Variants in SCUBE1 observed in about 807,000 individuals in gnomAD.
SCUBE1 encodes the protein signal peptide, CUB domain and EGF like domain containing 1.
Under a neutral mutation model 124.4 loss-of-function variants are expected in SCUBE1, and 59 were observed. The ratio of observed to expected loss-of-function variants is 0.47; its 90% CI spans 0.38 to 0.59. The LOEUF (loss-of-function observed/expected upper bound fraction) is 0.59, where lower values mean the gene tolerates loss of function less well. SCUBE1 is among the 20% of genes least tolerant of loss of function. The probability of loss-of-function intolerance (pLI) is 0.00; values close to 1 mark genes in which losing one functional copy is unlikely to be tolerated. For synonymous variants in SCUBE1, 545 were observed against 550.9 expected, an observed-to-expected ratio of 0.99 and a Z score of 0.15; for missense variants, 1,150 against 1,371.2, an observed-to-expected ratio of 0.84 and a Z score of 2.55.
chr22:43,334,987 G>A (rs1250193355), intron 2 of SCUBE1, among the ~76,000 whole-genome samples: 1 of 152,166 alleles, frequency 6.6e-6, no homozygotes, highest in East Asian at 1.9e-4. Flanking sequence ...CTTAATAGAG[G>A]CTGTTAACAC....
chr22:43,224,551 C>A (rs1163807367), intron 10 of SCUBE1, among the ~76,000 whole-genome samples: 1 of 152,156 alleles, frequency 6.6e-6, no homozygotes, highest in African/African-American at 2.4e-5. Context: ...CAAGCTGGCC[C>A]CCAGGATCAA....
At chr22:43,332,719 G>T (rs1926942635) in intron 2 of SCUBE1, among the ~76,000 whole-genome samples, 1 of 152,202 alleles carries the variant, frequency 6.6e-6, no homozygotes, top group South Asian at 2.1e-4. Context: ...TTCCTCATCT[G>T]TAGAACGCTC....
intron 3 of SCUBE1, among the ~76,000 whole-genome samples, chr22:43,296,178 G>A (rs900272353): frequency 2.0e-5 from 3 of 152,322 alleles, no homozygotes; most frequent in Admixed American, 6.5e-5. Context: ...CCCACACAGC[G>A]CTCAAAAACC....
rs1382901312 is a variant in SCUBE1, at chr22:43,258,278, C to A, written c.668G>T (p.Gly223Val). ...CTTCTGGTGGCAACCACACGTGGGG[C>A]CTGTGTCTGTGTCCTCACAGCTGTG... ...CQHSCEDTDT[G>V]PTCGCHQKYA... The change falls in exon 6 of 22, where the codon GGC becomes GTC. Residue 223 changes from glycine (G) to valine (V), a missense_variant. Gly to Val is a moderately radical substitution (Grantham distance 109). Transcript: ENST00000360835. This position sits in a 1 kb window ranked among gnomAD's most constrained non-coding sequence, Gnocchi z 5.0. 6.2e-7 allele frequency: 1 copy of A among 1,614,118 alleles called. No homozygotes were observed. Among genetic ancestry groups the A allele is most frequent in the South Asian group, 1.1e-5 (1 of 91,076 alleles).
intron 4 of SCUBE1, 147 bp from the exon 5 acceptor site, chr22:43,262,992 C>T (rs1361994992): frequency 1.6e-5 from 13 of 812,986 alleles, no homozygotes; most frequent in Admixed American, 9.8e-5. Context: ...CACTTGCGCA[C>T]ACACACATAT....
chr22:43,241,437 A>G (rs781111889), intron 6 of SCUBE1, among the ~76,000 whole-genome samples: 10 of 151,972 alleles, frequency 6.6e-5, no homozygotes, highest in Admixed American at 3.3e-4. Context: ...TGCAGCCTCA[A>G]TGGCAGAGCT....
chr22:43,294,406 C>T lies in SCUBE1; in HGVS notation c.350-3226G>A, dbSNP rs533673386. On this transcript the variant is annotated intron_variant, in intron 3 of 21. Coordinates refer to ENST00000360835, the MANE Select transcript of SCUBE1 (RefSeq NM_173050.5). ...GGTCTGTGAGATGCCGCCCATGAGC[C>T]CAGGACAGACTGGGCTCACTTGGAG... Among the ~76,000 whole-genome samples, 25 of 152,126 alleles carry T rather than the reference C, an allele frequency of 1.6e-4. 1 individual carries two copies. The highest frequency in any genetic ancestry group is 6.8e-3 in the Middle Eastern group (2 of 292).
chr22:43,227,049 A>T (rs1023506764), intron 10 of SCUBE1, among the ~76,000 whole-genome samples: 1 of 152,136 alleles, frequency 6.6e-6, no homozygotes, highest in Non-Finnish European at 1.5e-5. Flanking sequence ...TTCCAGCTCT[A>T]TGGAGACATC....
chr22:43,287,574 G>A (rs1925194089), intron 4 of SCUBE1, among the ~76,000 whole-genome samples: 1 of 152,200 alleles, frequency 6.6e-6, no homozygotes, highest in Non-Finnish European at 1.5e-5. Context: ...CAGGAGTCTG[G>A]ACCGACCTGG....
Position 43,197,329 on chromosome 22 carries a change from A to G in SCUBE1, c.*6668T>C, listed in dbSNP as rs1920949701. ...TTAAAGTGATTTTCACAAATGTTTC[A>G]TTACATGCATATGGGGGACATGATG... On this transcript the variant is annotated 3_prime_UTR_variant, in exon 22 of 22. Coordinates refer to ENST00000360835, the MANE Select transcript of SCUBE1 (RefSeq NM_173050.5). The G allele has an allele frequency of 1.3e-5, 2 of 152,244 alleles. No individual in the cohort carries two copies. Among genetic ancestry groups the G allele is most frequent in the Admixed American group, 1.3e-4 (2 of 15,284 alleles). The allele number at this position is 152,244 out of a possible 1,614,324, so 9.4% of individuals were successfully genotyped here.
intron 4 of SCUBE1, among the ~76,000 whole-genome samples, chr22:43,279,031 A>G (rs1233979605): frequency 5.3e-5 from 8 of 152,178 alleles, no homozygotes; most frequent in Non-Finnish European, 1.0e-4. Context: ...AGTGGAAGAC[A>G]GAGTCAAGAG....
chr22:43,226,025 G>A (rs1451346470), intron 10 of SCUBE1, among the ~76,000 whole-genome samples: 2 of 152,204 alleles, frequency 1.3e-5, no homozygotes, highest in Non-Finnish European at 2.9e-5. Context: ...ACAAGTACGT[G>A]ATAAACTCAG....
chr22:43,239,342 A>G (rs928939627), intron 6 of SCUBE1, among the ~76,000 whole-genome samples: 2 of 152,262 alleles, frequency 1.3e-5, no homozygotes, highest in African/African-American at 4.8e-5. Flanking sequence ...CTCAGACTCC[A>G]AGTCCAGGCT....
intron 8 of SCUBE1, among the ~76,000 whole-genome samples, chr22:43,230,378 T>C (rs1372039266): frequency 6.8e-6 from 1 of 147,836 alleles, no homozygotes; most frequent in Admixed American, 6.8e-5. Context: ...CATGGACGCT[T>C]CCCTGCTGGA....
At chr22:43,279,711 G>T (rs1924685464) in intron 4 of SCUBE1, among the ~76,000 whole-genome samples, 2 of 152,232 alleles carry the variant, frequency 1.3e-5, no homozygotes, top group Admixed American at 1.3e-4. Flanking sequence ...CCCCTGTCCA[G>T]CTTCTGTCAC....
chr22:43,247,720 G>A (rs899766897), intron 6 of SCUBE1, among the ~76,000 whole-genome samples: 20 of 152,246 alleles, frequency 1.3e-4, no homozygotes, highest in East Asian at 3.8e-4. Flanking sequence ...GGAGCAGGCC[G>A]TTGCCCCCCA....
intron 6 of SCUBE1, among the ~76,000 whole-genome samples, chr22:43,240,646 A>G (rs1922967483): frequency 6.6e-6 from 1 of 152,164 alleles, no homozygotes; most frequent in African/African-American, 2.4e-5. Context: ...GGAAATAAGG[A>G]CGAGCCTTCT....
chr22:43,313,930 G>A (rs1355806969), intron 3 of SCUBE1, among the ~76,000 whole-genome samples: 1 of 152,244 alleles, frequency 6.6e-6, no homozygotes, highest in Non-Finnish European at 1.5e-5. Flanking sequence ...AAGGTGATCA[G>A]GGTTTTATCC....
chr22:43,228,617 G>A (rs1161131286), intron 9 of SCUBE1, among the ~76,000 whole-genome samples: 1 of 152,148 alleles, frequency 6.6e-6, no homozygotes, highest in Non-Finnish European at 1.5e-5. Context: ...CGGTCCTTCT[G>A]TCCACTGCTT....
Sources: gnomAD v4.1 joint callset for allele counts (sites outside exome capture counted in the v4.1 genomes callset) on GRCh38, gnomAD v4.1.1 for gene constraint, Gnocchi (gnomAD v3.1) non-coding constraint, MANE v1.5 for transcripts, NCBI Gene and HGNC (gene_info 2026-07-23, HGNC 2026-07-21) for gene names.